RPSA2: variants seen among roughly 807,000 people sequenced by gnomAD.
RPSA2 encodes the protein ribosomal protein SA 2, also known as small ribosomal subunit protein uS2B.
chr19:23,859,263 A>G, the RPSA2 span, among the ~76,000 whole-genome samples: 2 of 152,204 alleles, frequency 1.3e-5, no homozygotes, highest in African/African-American at 4.8e-5. Context: ...ACTTCCAGTA[A>G]CAGTGTTAGA....
At chr19:23,789,494 C>T in the RPSA2 span, among the ~76,000 whole-genome samples, 2 of 152,154 alleles carry the variant, frequency 1.3e-5, no homozygotes, top group African/African-American at 4.8e-5. Context: ...ATATATCTTG[C>T]CCCAGCTTGT....
At chr19:23,832,215 A>G in the RPSA2 span, 4 of 432,598 alleles carry the variant, frequency 9.2e-6, no homozygotes, top group African/African-American at 6.2e-5. Context: ...GAAGAAAGAA[A>G]CTCTACAAAT....
chr19:23,855,621 A>G, the RPSA2 span, among the ~76,000 whole-genome samples: 1 of 152,146 alleles, frequency 6.6e-6, no homozygotes, highest in African/African-American at 2.4e-5. Context: ...GCATGTGTAG[A>G]TAAGGGAAAC....
chr19:23,803,462 C>A, the RPSA2 span, among the ~76,000 whole-genome samples: 4 of 152,022 alleles, frequency 2.6e-5, no homozygotes, highest in Admixed American at 2.6e-4. Context: ...TTTTCTCTCC[C>A]TGCAGATATA....
the RPSA2 span, among the ~76,000 whole-genome samples, chr19:23,870,515 T>A: frequency 0.98 from 148,887 of 152,212 alleles, 72,910 homozygotes; most frequent in Middle Eastern, 1. Flanking sequence ...CCTTTGACAT[T>A]GGTGAATTAC....
chr19:23,831,132 C>T, the RPSA2 span, among the ~76,000 whole-genome samples: 1 of 152,006 alleles, frequency 6.6e-6, no homozygotes, highest in Non-Finnish European at 1.5e-5. Flanking sequence ...TCAGCTGACT[C>T]AAACTCTCAT....
the RPSA2 span, among the ~76,000 whole-genome samples, chr19:23,863,562 C>A: frequency 0.028 from 726 of 25,840 alleles, 10 homozygotes; most frequent in African/African-American, 0.088. Flanking sequence ...GAGATTCCAA[C>A]TCAAAAAAAA....
the RPSA2 span, among the ~76,000 whole-genome samples, chr19:23,810,220 C>T: frequency 3.0e-3 from 452 of 151,882 alleles, 1 homozygote; most frequent in South Asian, 0.021. Context: ...GGTGAAACCC[C>T]GTCTCTACTA....
chr19:23,802,089 G>T, the RPSA2 span, among the ~76,000 whole-genome samples: 3 of 152,178 alleles, frequency 2.0e-5, no homozygotes, highest in Admixed American at 1.3e-4. Context: ...CCAACAGGAG[G>T]CATTTTCTGC....
chr19:23,808,272 A>ATTTTTTTT, the RPSA2 span, among the ~76,000 whole-genome samples: 3 of 126,928 alleles, frequency 2.4e-5, no homozygotes, highest in East Asian at 4.6e-4. Context: ...TACAAAATTA[A>ATTTTTTTT]TTTTTTTTTT....
chr19:23,837,668 G>C, the RPSA2 span, among the ~76,000 whole-genome samples: 2 of 151,826 alleles, frequency 1.3e-5, no homozygotes, highest in African/African-American at 2.4e-5. Flanking sequence ...CCTTCTTTTG[G>C]CTCCTTCATT....
chr19:23,862,467 G>A, the RPSA2 span, among the ~76,000 whole-genome samples: 1 of 151,488 alleles, frequency 6.6e-6, no homozygotes, highest in East Asian at 1.9e-4. Context: ...GTTTTCAAAG[G>A]GAATGCTTCC....
At chr19:23,817,312 G>T in the RPSA2 span, among the ~76,000 whole-genome samples, 1 of 152,008 alleles carries the variant, frequency 6.6e-6, no homozygotes, top group African/African-American at 2.4e-5. Flanking sequence ...AACCCGGGAG[G>T]GAGAGGTTGC....
chr19:23,862,060 T>C, the RPSA2 span, among the ~76,000 whole-genome samples: 3 of 152,074 alleles, frequency 2.0e-5, no homozygotes, highest in East Asian at 1.9e-4. Flanking sequence ...CATTGAGCAG[T>C]GGTTTGTAGT....
At chr19:23,806,236 G>A in the RPSA2 span, among the ~76,000 whole-genome samples, 4 of 151,420 alleles carry the variant, frequency 2.6e-5, no homozygotes, top group Non-Finnish European at 4.4e-5. Context: ...GTAGAGACGG[G>A]GTTTTACCAT....
the RPSA2 span, among the ~76,000 whole-genome samples, chr19:23,824,799 A>T: frequency 1.8e-3 from 247 of 139,316 alleles, no homozygotes; most frequent in African/African-American, 6.4e-3. Context: ...AAGGGAAGTA[A>T]ATTTAAATCA....
chr19:23,791,399 G>A, the RPSA2 span, among the ~76,000 whole-genome samples: 3 of 152,252 alleles, frequency 2.0e-5, no homozygotes, highest in South Asian at 2.1e-4. Flanking sequence ...GCTTGTTTCC[G>A]GCAATGTAGT....
At chr19:23,832,346 G>A in the RPSA2 span, 32 of 479,090 alleles carry the variant, frequency 6.7e-5, no homozygotes, top group Middle Eastern at 9.6e-3. Context: ...TGGTCCTCAG[G>A]CCTTACTGAA....
the RPSA2 span, among the ~76,000 whole-genome samples, chr19:23,762,269 G>T: frequency 6.6e-6 from 1 of 150,722 alleles, no homozygotes; most frequent in Non-Finnish European, 1.5e-5. Flanking sequence ...TCCCACCCCC[G>T]CCTTATTTCT....
Sources: allele counts gnomAD v4.1 joint callset (sites outside exome capture counted in the v4.1 genomes callset), GRCh38; gene constraint gnomAD v4.1.1; transcripts MANE v1.5; gene names NCBI Gene and HGNC (gene_info 2026-07-23, HGNC 2026-07-21).